The following PLD5 variants were observed in gnomAD, a reference collection of about 807,000 sequenced individuals.
PLD5 encodes the protein inactive phospholipase D5.
A neutral mutation model predicts 61.1 loss-of-function variants in PLD5; 36 were observed. That is an observed-to-expected ratio of 0.59 (90% confidence interval 0.45 to 0.78). PLD5 has a LOEUF of 0.78. Among genes scored for constraint, PLD5 ranks in the 30% least tolerant of loss-of-function variants. PLD5 has a pLI of 0.00. For synonymous variants in PLD5, 243 were observed against 242.8 expected, an observed-to-expected ratio of 1.00 and a Z score of -0.01; for missense variants, 515 against 644.4, an observed-to-expected ratio of 0.80 and a Z score of 2.17.
chr1:242,118,832 TA>T (rs1284255840), intron 6 of PLD5, among the ~76,000 whole-genome samples: 6 of 152,202 alleles, frequency 3.9e-5, no homozygotes, highest in African/African-American at 1.4e-4. Context: ...CTTCTACCTT[TA>T]AAAATAGTGC....
intron 5 of PLD5, among the ~76,000 whole-genome samples, chr1:242,194,594 CTATCTATCTATGTATCTATCTATG>C (rs1284287816): frequency 2.7e-4 from 19 of 70,648 alleles, no homozygotes; most frequent in Admixed American, 8.5e-4. Flanking sequence ...ATCTATCTAT[CTATCTATCTATGTATCTATCTATG>C]TATCTATCTA....
At chr1:242,514,223 G>A (rs1469340210) in intron 1 of PLD5, among the ~76,000 whole-genome samples, 1 of 152,100 alleles carries the variant, frequency 6.6e-6, no homozygotes, top group African/African-American at 2.4e-5. Flanking sequence ...AATAAACTCT[G>A]TCCCCAGATA....
At chr1:242,247,483 T>G (rs1574605686) in intron 4 of PLD5, among the ~76,000 whole-genome samples, 1 of 152,348 alleles carries the variant, frequency 6.6e-6, no homozygotes, top group Non-Finnish European at 1.5e-5. Context: ...AGGGTGTGAC[T>G]TAACCCTTGC....
Position 242,500,193 on chromosome 1 carries a change from G to A in PLD5, c.189+23895C>T, listed in dbSNP as rs960972631. ...GCCAGTTTCAAGGGATGGGGATCAA[G>A]AATCTGTGGCCATGTTTAAAAACCA... On this transcript the variant is annotated intron_variant, in intron 1 of 9. Coordinates refer to ENST00000536534, the MANE Select transcript of PLD5 (RefSeq NM_001372062.1). Among the ~76,000 whole-genome samples, 9 of 152,290 alleles carry A rather than the reference G, an allele frequency of 5.9e-5. 1 individual carries two copies. The highest frequency in any genetic ancestry group is 2.2e-4 in the African/African-American group (9 of 41,544).
chr1:242,474,561 C>T (rs1035394076), intron 1 of PLD5, among the ~76,000 whole-genome samples: 1 of 152,162 alleles, frequency 6.6e-6, no homozygotes, highest in African/African-American at 2.4e-5. Flanking sequence ...TGTCATTTTC[C>T]TACATCCATC....
intron 8 of PLD5, among the ~76,000 whole-genome samples, chr1:242,105,066 G>A (rs1402707821): frequency 6.6e-6 from 1 of 152,172 alleles, no homozygotes. Context: ...GTATTGTAGG[G>A]TGGAGAGATG....
chr1:242,447,206 T>C (rs530080178), intron 1 of PLD5, among the ~76,000 whole-genome samples: 36 of 152,358 alleles, frequency 2.4e-4, no homozygotes, highest in Middle Eastern at 6.8e-3. Flanking sequence ...TTCCTTTAAA[T>C]TTGTAAATAA....
chr1:242,097,647 C>T (rs1008559377), intron 9 of PLD5, among the ~76,000 whole-genome samples: 14 of 152,082 alleles, frequency 9.2e-5, no homozygotes, highest in African/African-American at 2.9e-4. Context: ...TGGATATTAG[C>T]CCTTTGTCAG....
At chr1:242,212,021 T>C (rs1473197151) in intron 5 of PLD5, among the ~76,000 whole-genome samples, 1 of 152,174 alleles carries the variant, frequency 6.6e-6, no homozygotes, top group Non-Finnish European at 1.5e-5. Context: ...AAACATTGCA[T>C]GCAAGGGCAA....
chr1:242,174,583 T>C (rs1186149929), intron 5 of PLD5, among the ~76,000 whole-genome samples: 1 of 152,134 alleles, frequency 6.6e-6, no homozygotes, highest in Admixed American at 6.5e-5. Context: ...CATGCTACTA[T>C]AAAGACACAT....
chr1:242,333,512 T>A (rs1176484114), intron 2 of PLD5, among the ~76,000 whole-genome samples: 1 of 152,190 alleles, frequency 6.6e-6, no homozygotes. Flanking sequence ...TCCCAGAGGA[T>A]GAGGGCAGGA....
intron 5 of PLD5, among the ~76,000 whole-genome samples, chr1:242,190,785 T>C (rs899096935): frequency 6.6e-6 from 1 of 152,128 alleles, no homozygotes; most frequent in African/African-American, 2.4e-5. Context: ...ATGTCTATTG[T>C]TACAGAATCC....
chr1:242,492,562 A>G (rs1186990108), intron 1 of PLD5, among the ~76,000 whole-genome samples: 1 of 152,058 alleles, frequency 6.6e-6, no homozygotes, highest in African/African-American at 2.4e-5. Flanking sequence ...ACAACATCAT[A>G]TACTGTTACT....
At chr1:242,509,933 T>G (rs1435700455) in intron 1 of PLD5, among the ~76,000 whole-genome samples, 1 of 152,168 alleles carries the variant, frequency 6.6e-6, no homozygotes, top group African/African-American at 2.4e-5. Flanking sequence ...TTCTTCACAC[T>G]TTCACACTCC....
chr1:242,394,435 TATATATGTGTGTATATGA>T (rs1225831492), intron 1 of PLD5, among the ~76,000 whole-genome samples: 4 of 108,948 alleles, frequency 3.7e-5, no homozygotes, highest in African/African-American at 1.6e-4. Context: ...TGTATATGAG[TATATATGTGTGTATATGA>T]GTATATATGT....
intron 5 of PLD5, among the ~76,000 whole-genome samples, chr1:242,210,139 T>C (rs1669710149): frequency 6.6e-6 from 1 of 152,114 alleles, no homozygotes; most frequent in Non-Finnish European, 1.5e-5. Context: ...TGAACCTCAG[T>C]GAGAAAGGCA....
chr1:242,221,083 A>G (rs1224887343), intron 4 of PLD5, among the ~76,000 whole-genome samples: 2 of 152,232 alleles, frequency 1.3e-5, no homozygotes, highest in African/African-American at 4.8e-5. Context: ...TGAATGGTTA[A>G]CTAAATCACT....
chr1:242,241,390 C>T (rs185844432), intron 4 of PLD5, among the ~76,000 whole-genome samples: 3 of 152,244 alleles, frequency 2.0e-5, no homozygotes, highest in African/African-American at 7.2e-5. Context: ...AATTCAAATA[C>T]CTAAAAATTA....
intron 1 of PLD5, among the ~76,000 whole-genome samples, chr1:242,385,192 G>A (rs922951845): frequency 4.6e-5 from 7 of 152,010 alleles, no homozygotes; most frequent in Non-Finnish European, 1.0e-4. Context: ...AAAACAAAGG[G>A]AAGAAAAGAA....
Sources: gnomAD v4.1 joint callset for allele counts (sites outside exome capture counted in the v4.1 genomes callset) on GRCh38, gnomAD v4.1.1 for gene constraint, MANE v1.5 for transcripts, NCBI Gene and HGNC (gene_info 2026-07-23, HGNC 2026-07-21) for gene names.